CSMD1: variants seen among roughly 807,000 people sequenced by gnomAD.
CSMD1 encodes the protein CUB and sushi domain-containing protein 1.
CSMD1 carries 213 observed loss-of-function variants against 417.5 expected under a neutral mutation model. The observed-to-expected ratio is 0.51, with a 90% CI of 0.46 to 0.57. The LOEUF (loss-of-function observed/expected upper bound fraction) is 0.57, where lower values mean the gene tolerates loss of function less well. Ranked by LOEUF, CSMD1 falls within the 20% of genes least tolerant of loss-of-function variation. The pLI is 0.00. For synonymous variants in CSMD1, 2,862 were observed against 1,736.8 expected (o/e 1.65, Z -16.11); for missense variants, 6,923 against 4,529.7 (o/e 1.53, Z -15.17).
chr8:3,590,931 C>T (rs997093819), intron 8 of CSMD1, among the ~76,000 whole-genome samples: 5 of 152,176 alleles, frequency 3.3e-5, no homozygotes, highest in East Asian at 3.9e-4. Flanking sequence ...TAAGTTTTCA[C>T]TGATTTATGA....
At chr8:4,714,524 G>A (rs1014258731) in intron 1 of CSMD1, among the ~76,000 whole-genome samples, 5 of 152,062 alleles carry the variant, frequency 3.3e-5, no homozygotes, top group Admixed American at 6.6e-5. Context: ...TTGCCCAATT[G>A]AACATAACAG....
chr8:3,295,750 G>C (rs995959889), intron 25 of CSMD1, among the ~76,000 whole-genome samples: 4 of 152,136 alleles, frequency 2.6e-5, no homozygotes, highest in African/African-American at 7.2e-5. Flanking sequence ...CAGACTAAGA[G>C]TTCTACATAT....
chr8:4,441,949 G>C (rs1798507416), intron 2 of CSMD1, among the ~76,000 whole-genome samples: 2 of 152,114 alleles, frequency 1.3e-5, no homozygotes, highest in Admixed American at 1.3e-4. Context: ...ATTGTACTGA[G>C]AAACTCAGGG....
chr8:3,917,574 C>G (rs1968321), intron 5 of CSMD1, among the ~76,000 whole-genome samples: 97,057 of 151,974 alleles, frequency 0.64, 31,233 homozygotes, highest in South Asian at 0.74. Context: ...AAAATATTTG[C>G]AACTAGTTGA....
intron 1 of CSMD1, among the ~76,000 whole-genome samples, chr8:4,669,304 C>T (rs1166088400): frequency 3.3e-5 from 5 of 152,122 alleles, no homozygotes; most frequent in African/African-American, 1.2e-4. Context: ...AAAATCCTTA[C>T]AAGAAGTTAG....
At chr8:4,511,651 C>T (rs556431372) in intron 2 of CSMD1, among the ~76,000 whole-genome samples, 1 of 152,208 alleles carries the variant, frequency 6.6e-6, no homozygotes, top group South Asian at 2.1e-4. Flanking sequence ...AGGGCAGAAA[C>T]CCACAAGCAC....
At chr8:3,921,670 C>T (rs541365996) in intron 5 of CSMD1, among the ~76,000 whole-genome samples, 11 of 151,906 alleles carry the variant, frequency 7.2e-5, no homozygotes, top group Admixed American at 2.0e-4. Context: ...GCGTATGTTG[C>T]TTAATTTTCA....
rs188270385 is a variant in CSMD1, at chr8:4,391,652, G to C, written c.415+28301C>G. Among the ~76,000 whole-genome samples the C allele has an allele frequency of 4.0e-3, 612 of 152,142 alleles. 2 individuals are homozygous for C. Among genetic ancestry groups the C allele is most frequent in the African/African-American group, 0.014 (584 of 41,510 alleles). ...GAAATACACTGCTGGGTTGACTGGT[G>C]AGAAGTGGGAAGACGGCTTACTTCC... On this transcript the variant is annotated intron_variant, in intron 3 of 69. Coordinates refer to ENST00000635120, the MANE Select transcript of CSMD1 (RefSeq NM_033225.6).
intron 2 of CSMD1, among the ~76,000 whole-genome samples, chr8:4,609,555 T>C (rs574417329): frequency 6.6e-6 from 1 of 152,344 alleles, no homozygotes; most frequent in African/African-American, 2.4e-5. Flanking sequence ...AAACACTTTA[T>C]GTACAAAAGT....
chr8:3,998,729 T>G (rs1215910751), intron 4 of CSMD1, among the ~76,000 whole-genome samples: 1 of 151,998 alleles, frequency 6.6e-6, no homozygotes, highest in Non-Finnish European at 1.5e-5. Flanking sequence ...AAAAGTGCAT[T>G]TAAAATAGAA....
chr8:3,871,337 G>A (rs891794495), intron 5 of CSMD1, among the ~76,000 whole-genome samples: 29 of 152,076 alleles, frequency 1.9e-4, no homozygotes, highest in Non-Finnish European at 1.3e-4. Flanking sequence ...CATCATAGTT[G>A]ATATTGACAA....
chr8:4,000,867 A>G (rs560926206), intron 4 of CSMD1, among the ~76,000 whole-genome samples: 2 of 152,264 alleles, frequency 1.3e-5, no homozygotes, highest in South Asian at 2.1e-4. Context: ...TTACCTAAGA[A>G]GATAAAATAT....
rs538995471 is a variant in CSMD1 at position 4,180,577 on chromosome 8, T to C, written c.416-148478A>G. On this transcript the variant is annotated intron_variant, in intron 3 of 69. Transcript: ENST00000635120. ...ATGTACCCTAAAACTTAAAGTATAA[T>C]AATAATTAAAAAAAGAAAAAATAAA... Among the ~76,000 whole-genome samples, 72 of 151,316 alleles carry C rather than the reference T, an allele frequency of 4.8e-4. No individual in the cohort carries two copies. In the South Asian group the frequency reaches 0.011, roughly 23 times the overall value.
chr8:4,612,978 C>T (rs1431813663), intron 2 of CSMD1, among the ~76,000 whole-genome samples: 2 of 151,986 alleles, frequency 1.3e-5, no homozygotes, highest in African/African-American at 4.8e-5. Flanking sequence ...TATAACAGTC[C>T]CTGCAAAACT....
chr8:4,039,402 G>A (rs574292737), intron 3 of CSMD1, among the ~76,000 whole-genome samples: 37 of 152,260 alleles, frequency 2.4e-4, no homozygotes, highest in Middle Eastern at 3.4e-3. Flanking sequence ...AGAAAAATCT[G>A]GTTATATAAT....
intron 1 of CSMD1, among the ~76,000 whole-genome samples, chr8:4,772,272 T>C (rs1413454836): frequency 6.6e-6 from 1 of 152,182 alleles, no homozygotes. Context: ...TCAGCAACAG[T>C]GAACCAGTCC....
At chr8:4,293,654 T>C (rs1317404146) in intron 3 of CSMD1, among the ~76,000 whole-genome samples, 1 of 152,176 alleles carries the variant, frequency 6.6e-6, no homozygotes, top group African/African-American at 2.4e-5. Flanking sequence ...CAGTCTCTTA[T>C]AAACCACCAA....
intron 2 of CSMD1, among the ~76,000 whole-genome samples, chr8:4,595,169 T>G (rs1051574568): frequency 7.9e-5 from 12 of 151,932 alleles, no homozygotes; most frequent in Non-Finnish European, 1.8e-4. Context: ...GAAAGAGTGT[T>G]ACTAATTAAT....
chr8:3,562,221 G>A (rs975581345), intron 10 of CSMD1, among the ~76,000 whole-genome samples: 3 of 152,134 alleles, frequency 2.0e-5, no homozygotes, highest in African/African-American at 7.2e-5. Context: ...GTAGAATAGA[G>A]ATTTGTATCA....
Sources: allele counts gnomAD v4.1 joint callset (sites outside exome capture counted in the v4.1 genomes callset), GRCh38; gene constraint gnomAD v4.1.1; transcripts MANE v1.5; gene names NCBI Gene and HGNC (gene_info 2026-07-23, HGNC 2026-07-21).